DDX10: variants seen among roughly 807,000 people sequenced by gnomAD.
DDX10 encodes DEAD-box helicase 10.
In DDX10, 74 loss-of-function variants were observed where a neutral mutation model predicts 104.3. The observed-to-expected ratio is 0.71, with a 90% confidence interval of 0.59 to 0.86. DDX10 has a LOEUF of 0.86. Ranked by LOEUF, DDX10 falls within the 40% of genes least tolerant of loss-of-function variation. The probability of loss-of-function intolerance (pLI) is 0.00; values close to 1 mark genes in which losing one functional copy is unlikely to be tolerated. For synonymous variants in DDX10, 351 were observed against 353.4 expected, an observed-to-expected ratio of 0.99 and a Z score of 0.08; for missense variants, 952 against 1,040.0, an observed-to-expected ratio of 0.92 and a Z score of 1.16.
At chr11:108,681,841 G>A (rs1056002751) in intron 6 of DDX10, among the ~76,000 whole-genome samples, 5 of 152,188 alleles carry the variant, frequency 3.3e-5, no homozygotes, top group South Asian at 4.1e-4. Flanking sequence ...ATGTTATTAG[G>A]TATATACAAA....
At chr11:108,792,183 T>A (rs781646814) in intron 13 of DDX10, among the ~76,000 whole-genome samples, 60 of 152,208 alleles carry the variant, frequency 3.9e-4, no homozygotes, top group Non-Finnish European at 5.7e-4. Flanking sequence ...TTCTGTATCA[T>A]ATAGATTGTA....
At chr11:108,895,432 G>C (rs991837190) in intron 16 of DDX10, among the ~76,000 whole-genome samples, 1 of 151,770 alleles carries the variant, frequency 6.6e-6, no homozygotes, top group African/African-American at 2.4e-5. Flanking sequence ...CAGGTATTAA[G>C]GATTCACTAG....
At chr11:108,935,469 G>A (rs1159975406) in intron 17 of DDX10, among the ~76,000 whole-genome samples, 1 of 152,126 alleles carries the variant, frequency 6.6e-6, no homozygotes, top group East Asian at 1.9e-4. Flanking sequence ...AGTGGTGCTT[G>A]ACAGAGACTA....
At chr11:108,786,768 C>A (rs1436554105) in intron 13 of DDX10, among the ~76,000 whole-genome samples, 1 of 152,152 alleles carries the variant, frequency 6.6e-6, no homozygotes, top group African/African-American at 2.4e-5. Flanking sequence ...ATTGAAGGCA[C>A]CAGACAGTTG....
At chr11:108,784,023 T>C (rs567863933) in intron 13 of DDX10, among the ~76,000 whole-genome samples, 2 of 152,346 alleles carry the variant, frequency 1.3e-5, no homozygotes, top group Admixed American at 1.3e-4. Context: ...GTAGTGTATA[T>C]GTTCCACATT....
intron 11 of DDX10, among the ~76,000 whole-genome samples, chr11:108,718,966 A>G (rs2094294961): frequency 6.6e-6 from 1 of 152,224 alleles, no homozygotes; most frequent in African/African-American, 2.4e-5. Flanking sequence ...GAAGTATGCA[A>G]ACAGGAACTA....
intron 13 of DDX10, among the ~76,000 whole-genome samples, chr11:108,798,829 A>C (rs1185300937): frequency 1.3e-5 from 2 of 151,434 alleles, no homozygotes; most frequent in Non-Finnish European, 2.9e-5. Context: ...TATTTTTGGA[A>C]TCTTTTTTTT....
intron 1 of DDX10, among the ~76,000 whole-genome samples, chr11:108,671,309 G>A (rs1327424802): frequency 1.3e-5 from 2 of 152,170 alleles, no homozygotes; most frequent in African/African-American, 4.8e-5. Flanking sequence ...GATTACAGGC[G>A]CACGCCACTG....
At chr11:108,877,018 G>T (rs892515254) in intron 16 of DDX10, among the ~76,000 whole-genome samples, 3 of 152,090 alleles carry the variant, frequency 2.0e-5, no homozygotes, top group African/African-American at 7.2e-5. Flanking sequence ...GTTCTTTGAA[G>T]AAATGGCTAG....
intron 16 of DDX10, among the ~76,000 whole-genome samples, chr11:108,910,728 C>CGTGTGT (rs56191738): frequency 7.8e-6 from 1 of 127,644 alleles, no homozygotes; most frequent in African/African-American, 2.9e-5. Context: ...AGCGTGCATG[C>CGTGTGT]GTGTGTGTGT....
At chr11:108,880,235 G>A (rs985062397) in intron 16 of DDX10, among the ~76,000 whole-genome samples, 2 of 152,132 alleles carry the variant, frequency 1.3e-5, no homozygotes, top group African/African-American at 2.4e-5. Context: ...CTTGTGCAGT[G>A]GGGGGTGTAG....
At chr11:108,777,559 G>A (rs544879296) in intron 13 of DDX10, among the ~76,000 whole-genome samples, 59 of 152,270 alleles carry the variant, frequency 3.9e-4, no homozygotes, top group African/African-American at 1.4e-3. Flanking sequence ...CTGACTTCAG[G>A]TGATCCACCC....
intron 13 of DDX10, among the ~76,000 whole-genome samples, chr11:108,799,659 A>G (rs1349297485): frequency 6.6e-6 from 1 of 152,122 alleles, no homozygotes; most frequent in Non-Finnish European, 1.5e-5. Context: ...GTCTAGTCTG[A>G]GTTTGTTTCC....
intron 16 of DDX10, among the ~76,000 whole-genome samples, chr11:108,880,356 T>G (rs1249694539): frequency 6.6e-6 from 1 of 152,200 alleles, no homozygotes; most frequent in Non-Finnish European, 1.5e-5. Context: ...TGTCTCCAAA[T>G]ACAGCCACAT....
At chr11:108,674,092 G>A (rs1009319523) in intron 2 of DDX10, among the ~76,000 whole-genome samples, 1 of 152,106 alleles carries the variant, frequency 6.6e-6, no homozygotes, top group East Asian at 1.9e-4. Flanking sequence ...GGGAGGCCGA[G>A]GTGGGTGGAT....
At chr11:108,764,020 A>C (rs1420376824) in intron 13 of DDX10, among the ~76,000 whole-genome samples, 1 of 152,204 alleles carries the variant, frequency 6.6e-6, no homozygotes, top group Non-Finnish European at 1.5e-5. Flanking sequence ...TTGTAGAAAT[A>C]GGCCATTTGT....
At chr11:108,893,522 G>A (rs1421138218) in intron 16 of DDX10, among the ~76,000 whole-genome samples, 2 of 151,346 alleles carry the variant, frequency 1.3e-5, no homozygotes, top group Non-Finnish European at 3.0e-5. Context: ...TAATGATATT[G>A]TTCCTTCTCA....
intron 9 of DDX10, among the ~76,000 whole-genome samples, chr11:108,695,359 A>G (rs193172729): frequency 3.3e-5 from 5 of 152,336 alleles, no homozygotes; most frequent in Admixed American, 6.5e-5. Flanking sequence ...GATTGGTCTA[A>G]CTGGACCAAT....
intron 10 of DDX10, among the ~76,000 whole-genome samples, chr11:108,715,176 T>C (rs916829348): frequency 6.6e-6 from 1 of 152,188 alleles, no homozygotes; most frequent in African/African-American, 2.4e-5. Context: ...GTTTATTACT[T>C]GAAATTGATT....
Sources: allele counts gnomAD v4.1 joint callset (sites outside exome capture counted in the v4.1 genomes callset), GRCh38; gene constraint gnomAD v4.1.1; transcripts MANE v1.5; gene names NCBI Gene and HGNC (gene_info 2026-07-23, HGNC 2026-07-21).